The following ZFPM2 variants were observed in gnomAD, a reference collection of about 807,000 sequenced individuals.
ZFPM2 encodes zinc finger protein ZFPM2.
In ZFPM2, 20 loss-of-function variants were observed where a neutral mutation model predicts 98.6. The observed-to-expected ratio is 0.20, with a 90% confidence interval of 0.14 to 0.29. ZFPM2 has a LOEUF of 0.29. ZFPM2 is among the 10% of genes least tolerant of loss of function. The pLI, the probability that ZFPM2 is intolerant of heterozygous loss-of-function variation, is 1.00. For missense variants in ZFPM2, 1,310 were observed against 1,388.6 expected (o/e 0.94, Z 0.90); for synonymous variants, 518 against 502.7 (o/e 1.03, Z -0.41).
chr8:105,787,104 C>T (rs1813434690), intron 5 of ZFPM2: 1 of 152,148 alleles, frequency 6.6e-6, no homozygotes. Context: ...TCTGAATGCC[C>T]ATAAGGGAAG....
At chr8:105,726,968 A>G (rs1404156859) in intron 5 of ZFPM2, among the ~76,000 whole-genome samples, 2 of 151,776 alleles carry the variant, frequency 1.3e-5, no homozygotes, top group Non-Finnish European at 2.9e-5. Context: ...GAATGTGACA[A>G]GCTTAGTCAC....
chr8:105,575,011 T>A (rs754444101), intron 4 of ZFPM2, among the ~76,000 whole-genome samples: 2 of 152,056 alleles, frequency 1.3e-5, no homozygotes, highest in African/African-American at 4.8e-5. Flanking sequence ...GTCCTTTATC[T>A]GAATATTTTC....
chr8:105,490,743 A>T (rs1813341088), intron 3 of ZFPM2, among the ~76,000 whole-genome samples: 1 of 152,194 alleles, frequency 6.6e-6, no homozygotes, highest in Admixed American at 6.5e-5. Flanking sequence ...AGGCCCATGG[A>T]CATGGCTGAG....
intron 4 of ZFPM2, among the ~76,000 whole-genome samples, chr8:105,623,052 A>G (rs1192289679): frequency 6.6e-6 from 1 of 152,170 alleles, no homozygotes; most frequent in Non-Finnish European, 1.5e-5. Context: ...TTTACTTTAG[A>G]TACTTAAACA....
At chr8:105,590,895 G>A (rs760073664) in intron 4 of ZFPM2, among the ~76,000 whole-genome samples, 1 of 152,174 alleles carries the variant, frequency 6.6e-6, no homozygotes. Context: ...ACTTGAAAGG[G>A]TATAGTTCTG....
chr8:105,756,446 G>A (rs758670845), intron 5 of ZFPM2, among the ~76,000 whole-genome samples: 2 of 152,106 alleles, frequency 1.3e-5, no homozygotes, highest in African/African-American at 2.4e-5. Flanking sequence ...TGGATGAAAA[G>A]CGAAAAAGCT....
At chr8:105,760,048 T>C (rs1044530270) in intron 5 of ZFPM2, among the ~76,000 whole-genome samples, 7 of 151,952 alleles carry the variant, frequency 4.6e-5, no homozygotes, top group African/African-American at 1.7e-4. Flanking sequence ...CAGGGGCTTA[T>C]CCAAAGAGAG....
At chr8:105,530,482 G>A (rs1814274357) in intron 3 of ZFPM2, among the ~76,000 whole-genome samples, 1 of 152,156 alleles carries the variant, frequency 6.6e-6, no homozygotes, top group Admixed American at 6.6e-5. Context: ...AGATCAGGGT[G>A]ACGTCATGGT....
intron 3 of ZFPM2, among the ~76,000 whole-genome samples, chr8:105,510,027 T>C (rs762738019): frequency 6.6e-6 from 1 of 152,168 alleles, no homozygotes; most frequent in Non-Finnish European, 1.5e-5. Context: ...ATATATATTA[T>C]AGTGATTTGA....
At chr8:105,630,289 T>G (rs187391947) in intron 4 of ZFPM2, among the ~76,000 whole-genome samples, 1 of 152,326 alleles carries the variant, frequency 6.6e-6, no homozygotes, top group Admixed American at 6.5e-5. Flanking sequence ...TTATTTTCTA[T>G]TCATGGATTT....
chr8:105,688,270 G>A (rs1386965563), intron 5 of ZFPM2, among the ~76,000 whole-genome samples: 1 of 151,900 alleles, frequency 6.6e-6, no homozygotes, highest in Admixed American at 6.6e-5. Context: ...GGGGATCAAA[G>A]GATTTTACTA....
intron 3 of ZFPM2, among the ~76,000 whole-genome samples, chr8:105,517,707 C>CCACACACACACACACACACA (rs1554613621): frequency 1.9e-4 from 24 of 124,966 alleles, no homozygotes; most frequent in Middle Eastern, 4.1e-3. Context: ...CACACACACA[C>CCACACACACACACACACACA]CACACACACA....
intron 5 of ZFPM2, among the ~76,000 whole-genome samples, chr8:105,670,915 G>T (rs1012031751): frequency 6.6e-6 from 1 of 152,040 alleles, no homozygotes; most frequent in Admixed American, 6.6e-5. Context: ...ATTGCAACTG[G>T]CTACTTTAGT....
At chr8:105,336,050 C>G (rs1271166210) in intron 1 of ZFPM2, among the ~76,000 whole-genome samples, 1 of 151,726 alleles carries the variant, frequency 6.6e-6, no homozygotes, top group African/African-American at 2.4e-5. Context: ...AATGGATGTA[C>G]GGCACAAAGT....
chr8:105,510,573 C>T (rs1055610205), intron 3 of ZFPM2, among the ~76,000 whole-genome samples: 3 of 150,802 alleles, frequency 2.0e-5, no homozygotes, highest in Non-Finnish European at 2.9e-5. Flanking sequence ...CTTCTGATCT[C>T]CCCCCTTCCC....
At chr8:105,745,854 G>T (rs1353228648) in intron 5 of ZFPM2, among the ~76,000 whole-genome samples, 2 of 152,040 alleles carry the variant, frequency 1.3e-5, no homozygotes, top group Non-Finnish European at 2.9e-5. Flanking sequence ...CTGCCTCTGG[G>T]GTTCAAGTGA....
intron 3 of ZFPM2, among the ~76,000 whole-genome samples, chr8:105,482,262 T>A: frequency 6.6e-6 from 1 of 152,148 alleles, no homozygotes; most frequent in Non-Finnish European, 1.5e-5. Flanking sequence ...TAATAGTGAT[T>A]TTTTTGGCTA....
chr8:105,413,522 A>G (rs1303831611), intron 1 of ZFPM2, among the ~76,000 whole-genome samples: 6 of 148,132 alleles, frequency 4.1e-5, no homozygotes, highest in Non-Finnish European at 7.5e-5. Flanking sequence ...ACACACACGC[A>G]CATATATATA....
At chr8:105,627,014 C>G (rs1816670717) in intron 4 of ZFPM2, among the ~76,000 whole-genome samples, 1 of 152,178 alleles carries the variant, frequency 6.6e-6, no homozygotes, top group South Asian at 2.1e-4. Context: ...TCTAACCCTC[C>G]TTTTGGAAAT....
Sources: gnomAD v4.1 joint callset for allele counts (sites outside exome capture counted in the v4.1 genomes callset) on GRCh38, gnomAD v4.1.1 for gene constraint, MANE v1.5 for transcripts, NCBI Gene and HGNC (gene_info 2026-07-23, HGNC 2026-07-21) for gene names.